Variants in GUCY1B1 observed in about 807,000 individuals in gnomAD.
The protein encoded by GUCY1B1 is guanylate cyclase soluble subunit beta-1.
In GUCY1B1, 43 loss-of-function variants were observed where a neutral mutation model predicts 71.0. The observed-to-expected ratio is 0.61, with a 90% CI of 0.47 to 0.78. The LOEUF (loss-of-function observed/expected upper bound fraction) is 0.78. Ranked by LOEUF, GUCY1B1 falls within the 30% of genes least tolerant of loss-of-function variation. The probability of loss-of-function intolerance (pLI) is 0.00; values close to 1 mark genes in which losing one functional copy is unlikely to be tolerated. For missense variants in GUCY1B1, 535 were observed against 754.1 expected (o/e 0.71, Z 3.40); for synonymous variants, 266 against 259.7 (o/e 1.02, Z -0.23).
At chr4:155,776,407 A>G (rs944261224) in intron 3 of GUCY1B1, among the ~76,000 whole-genome samples, 1 of 152,158 alleles carries the variant, frequency 6.6e-6, no homozygotes, top group African/African-American at 2.4e-5. Context: ...GATAGCAATT[A>G]AAACTGATAC....
intron 11 of GUCY1B1, among the ~76,000 whole-genome samples, chr4:155,804,161 A>G (rs1223769175): frequency 6.6e-6 from 1 of 152,216 alleles, no homozygotes; most frequent in Admixed American, 6.5e-5. Context: ...GAAGTTGTCC[A>G]TAATATGCTT....
chr4:155,803,085 T>C (rs1469282644), intron 10 of GUCY1B1, among the ~76,000 whole-genome samples: 7 of 152,158 alleles, frequency 4.6e-5, no homozygotes, highest in African/African-American at 1.7e-4. Flanking sequence ...AAAAAAGAAG[T>C]CAGTGGAATA....
intron 2 of GUCY1B1, among the ~76,000 whole-genome samples, chr4:155,762,911 A>T (rs759350927): frequency 6.6e-6 from 1 of 152,224 alleles, no homozygotes; most frequent in Non-Finnish European, 1.5e-5. Context: ...GATTTAGACC[A>T]TAACAAATGT....
At position 155,806,413 on chromosome 4, in the gene GUCY1B1, T is replaced by A. The variant is rs777828537; in HGVS notation, c.*4T>A. On this transcript the variant is annotated 3_prime_UTR_variant, in exon 14 of 14. Coordinates refer to ENST00000264424, the MANE Select transcript of GUCY1B1 (RefSeq NM_000857.5). Reference sequence around the variant, plus strand: ...AACAAAGCAGGATGATGACTGAATCTTGGATTATGGGGTGAAGAGGAGTAC... The same window carrying A: ...AACAAAGCAGGATGATGACTGAATCATGGATTATGGGGTGAAGAGGAGTAC... 6.2e-7 allele frequency: 1 copy of A among 1,603,238 alleles called. No individual in the cohort carries two copies. The highest frequency in any genetic ancestry group is 8.5e-7 in the Non-Finnish European group (1 of 1,170,772).
intron 2 of GUCY1B1, among the ~76,000 whole-genome samples, chr4:155,764,892 C>T (rs532974913): frequency 2.0e-5 from 3 of 152,194 alleles, no homozygotes; most frequent in Admixed American, 6.5e-5. Flanking sequence ...GGTGATAAGG[C>T]GGGTCATCAC....
Position 155,805,085 on chromosome 4 carries a change from C to A in GUCY1B1, c.1710-18C>A. On this transcript the variant is annotated intron_variant, in intron 12 of 13. Transcript: ENST00000264424. ...TTGTGTATACTTCTCTCTCTACTCC[C>A]CTTCCCTTGTCTTTTAGATGTCTTA... 1 of 1,606,608 alleles carries A rather than the reference C, an allele frequency of 6.2e-7. No individual in the cohort carries two copies. The highest frequency in any genetic ancestry group is 8.5e-7 in the Non-Finnish European group (1 of 1,174,416).
chr4:155,805,309 T>C, intron 13 of GUCY1B1, 80 bp downstream of exon 13: 3 of 1,164,482 alleles, frequency 2.6e-6, no homozygotes, highest in Non-Finnish European at 3.6e-6. Context: ...ACTGAAAATG[T>C]ATTTCATTTG....
In GUCY1B1 at chr4:155,804,582, CT is replaced by C. The variant is rs1197992542; in HGVS notation, c.1555-5del. Reference sequence around the variant, plus strand: ...ATCAAAATGATTGAAGCAAAGCTTTCTTTTTTGCAGATAACAATAGGGATAC... The same window carrying C: ...ATCAAAATGATTGAAGCAAAGCTTTCTTTTTGCAGATAACAATAGGGATAC... On this transcript the variant is annotated splice_polypyrimidine_tract_variant and intron_variant, in intron 11 of 13. Transcript: ENST00000264424. 1.6e-5 allele frequency: 25 copies of C among 1,591,858 alleles called. No individual in the cohort carries two copies. The highest frequency in any genetic ancestry group is 2.1e-5 in the Non-Finnish European group (25 of 1,169,224).
chr4:155,803,130 T>C (rs2111175538), intron 10 of GUCY1B1, among the ~76,000 whole-genome samples: 1 of 152,330 alleles, frequency 6.6e-6, no homozygotes, highest in East Asian at 1.9e-4. Context: ...AAGTAAACCA[T>C]CTCTAGATAT....
chr4:155,778,101 AG>A (rs1738182237), intron 4 of GUCY1B1, among the ~76,000 whole-genome samples: 1 of 152,210 alleles, frequency 6.6e-6, no homozygotes, highest in Non-Finnish European at 1.5e-5. Context: ...AAAAAGTAGT[AG>A]GGTTTTCAGG....
At position 155,802,099 on chromosome 4, in the gene GUCY1B1, G is replaced by A; in HGVS notation, c.1176-243G>A. On this transcript the variant is annotated intron_variant, in intron 9 of 13. Coordinates refer to ENST00000264424, the MANE Select transcript of GUCY1B1 (RefSeq NM_000857.5). This position sits in a 1 kb window ranked among gnomAD's most constrained non-coding sequence, Gnocchi z 4.3. ...CTGTTTGCTTGGCTTATTTTGATTT[G>A]GTTTGAACTAGTTTGGGCTTGCGGA... 1.3e-6 allele frequency: 1 copy of A among 747,686 alleles called. No individual in the cohort carries two copies. The highest frequency in any genetic ancestry group is 2.1e-6 in the Non-Finnish European group (1 of 479,072). 46.3% of individuals were successfully genotyped at this position (747,686 alleles called of 1,614,324 possible). A position where few individuals can be genotyped will look rare whatever the true frequency, so the allele number is the denominator to read the frequency against.
chr4:155,806,339 C>T, intron 13 of GUCY1B1, 47 bp from the exon 14 acceptor site: 9 of 1,255,474 alleles, frequency 7.2e-6, no homozygotes, highest in Non-Finnish European at 8.2e-6. Flanking sequence ...TATTATAAAC[C>T]TCACTATCAC....
At chr4:155,759,570 G>A in intron 1 of GUCY1B1, 1 of 542,662 alleles carries the variant, frequency 1.8e-6, no homozygotes, top group South Asian at 2.5e-5. Flanking sequence ...TAGCGTGGGG[G>A]TGGGGCGGAT....
At chr4:155,769,692 G>C (rs1453269498) in intron 2 of GUCY1B1, among the ~76,000 whole-genome samples, 1 of 152,016 alleles carries the variant, frequency 6.6e-6, no homozygotes, top group Non-Finnish European at 1.5e-5. Flanking sequence ...TTTACTTAGA[G>C]TTTATATGAT....
intron 4 of GUCY1B1, among the ~76,000 whole-genome samples, chr4:155,781,339 T>C (rs1247848093): frequency 6.6e-6 from 1 of 152,188 alleles, no homozygotes; most frequent in Non-Finnish European, 1.5e-5. Context: ...CAGAAAAATA[T>C]TTGTTTTCTC....
intron 2 of GUCY1B1, among the ~76,000 whole-genome samples, chr4:155,763,359 C>T (rs924504776): frequency 6.6e-6 from 1 of 152,054 alleles, no homozygotes; most frequent in Non-Finnish European, 1.5e-5. Context: ...GATTTTTTAA[C>T]CTCACTGAAA....
chr4:155,784,560 T>C (rs551612553), intron 4 of GUCY1B1, among the ~76,000 whole-genome samples: 2 of 152,122 alleles, frequency 1.3e-5, no homozygotes, highest in Non-Finnish European at 2.9e-5. Context: ...AGAAAGGAAA[T>C]ACTATACCTC....
At chr4:155,781,791 C>G (rs1445127120) in intron 4 of GUCY1B1, among the ~76,000 whole-genome samples, 2 of 151,884 alleles carry the variant, frequency 1.3e-5, no homozygotes, top group African/African-American at 4.8e-5. Flanking sequence ...GTGAAAGCAT[C>G]AACTTGTGGG....
chr4:155,803,387 C>T (rs149857016), intron 10 of GUCY1B1, among the ~76,000 whole-genome samples: 1 of 152,192 alleles, frequency 6.6e-6, no homozygotes, highest in East Asian at 1.9e-4. Flanking sequence ...AAAAATAATT[C>T]TATGTCTGTA....
Sources: gnomAD v4.1 joint callset for allele counts (sites outside exome capture counted in the v4.1 genomes callset) on GRCh38, gnomAD v4.1.1 for gene constraint, Gnocchi (gnomAD v3.1) non-coding constraint, MANE v1.5 for transcripts, NCBI Gene and HGNC (gene_info 2026-07-23, HGNC 2026-07-21) for gene names.